SGCZ: variants seen among roughly 807,000 people sequenced by gnomAD.
The protein encoded by SGCZ is sarcoglycan zeta, also known as zeta-sarcoglycan.
Under a neutral mutation model 41.3 loss-of-function variants are expected in SGCZ, and 40 were observed. The observed-to-expected ratio is 0.97, with a 90% CI of 0.75 to 1.26. The LOEUF (loss-of-function observed/expected upper bound fraction) is 1.26. SGCZ is among the 50% of genes most tolerant of loss of function. SGCZ has a pLI of 0.00. For missense variants in SGCZ, 552 were observed against 369.8 expected, an observed-to-expected ratio of 1.49 and a Z score of -4.04; for synonymous variants, 206 against 137.5, an observed-to-expected ratio of 1.50 and a Z score of -3.49.
At chr8:15,039,873 C>T (rs562057276) in intron 1 of SGCZ, among the ~76,000 whole-genome samples, 1 of 152,084 alleles carries the variant, frequency 6.6e-6, no homozygotes, top group African/African-American at 2.4e-5. Flanking sequence ...ATGGTTAAAC[C>T]GCAGCTTTTC....
chr8:14,203,147 T>C (rs150190268), intron 4 of SGCZ, among the ~76,000 whole-genome samples: 1 of 152,194 alleles, frequency 6.6e-6, no homozygotes, highest in Non-Finnish European at 1.5e-5. Context: ...CTCTTTCTTT[T>C]GTAAATTGCC....
intron 1 of SGCZ, among the ~76,000 whole-genome samples, chr8:14,845,436 G>A (rs1257238645): frequency 2.0e-5 from 3 of 152,096 alleles, no homozygotes; most frequent in Non-Finnish European, 4.4e-5. Context: ...CACAATGCCT[G>A]AAAACTAATC....
At chr8:14,753,338 T>C (rs1490016292) in intron 1 of SGCZ, among the ~76,000 whole-genome samples, 2 of 152,214 alleles carry the variant, frequency 1.3e-5, no homozygotes, top group African/African-American at 4.8e-5. Context: ...TTAAATAACA[T>C]ATTTATCTAA....
chr8:14,673,532 G>A (rs767201760), intron 1 of SGCZ, among the ~76,000 whole-genome samples: 6 of 151,828 alleles, frequency 4.0e-5, no homozygotes, highest in Non-Finnish European at 7.4e-5. Flanking sequence ...CGCCATGATT[G>A]TAAGTTTCCT....
chr8:14,307,643 C>T (rs1221110989), intron 3 of SGCZ, among the ~76,000 whole-genome samples: 1 of 152,110 alleles, frequency 6.6e-6, no homozygotes, highest in Non-Finnish European at 1.5e-5. Context: ...TTTGAAAACA[C>T]AGAAATGTCC....
At chr8:14,851,205 T>C (rs540441717) in intron 1 of SGCZ, among the ~76,000 whole-genome samples, 2 of 151,270 alleles carry the variant, frequency 1.3e-5, no homozygotes, top group Admixed American at 1.3e-4. Flanking sequence ...CTGTCTTTAC[T>C]AAAAATACAA....
chr8:14,742,080 G>A lies in SGCZ; in HGVS notation c.40-187154C>T, dbSNP rs12114985. 1.0e-3 allele frequency among the ~76,000 whole-genome samples: 159 copies of A among 151,840 alleles called. 2 individuals are homozygous for A. The highest frequency in any genetic ancestry group is 3.6e-3 in the African/African-American group (149 of 41,440). On this transcript the variant is annotated intron_variant, in intron 1 of 7. Transcript: ENST00000382080. ...AACTGGAGTATAGTACTGATTTAGAGGGAAAAAAAACCTAGATTTCACCCT... is the reference window on the plus strand; with the variant it reads ...AACTGGAGTATAGTACTGATTTAGAAGGAAAAAAAACCTAGATTTCACCCT...
chr8:14,370,104 AG>A (rs1803859568), intron 2 of SGCZ, among the ~76,000 whole-genome samples: 1 of 151,950 alleles, frequency 6.6e-6, no homozygotes, highest in South Asian at 2.1e-4. Flanking sequence ...GGTAAGATGA[AG>A]GGGTAAGATG....
intron 1 of SGCZ, among the ~76,000 whole-genome samples, chr8:15,019,840 A>G (rs1803186346): frequency 6.7e-6 from 1 of 149,044 alleles, no homozygotes; most frequent in South Asian, 2.2e-4. Flanking sequence ...AAAACTAAGA[A>G]GAGTTCTGCT....
intron 1 of SGCZ, among the ~76,000 whole-genome samples, chr8:14,597,567 C>G (rs1585112162): frequency 6.6e-6 from 1 of 152,112 alleles, no homozygotes; most frequent in East Asian, 1.9e-4. Flanking sequence ...CTTCTGGGTT[C>G]AAGTGATACT....
intron 1 of SGCZ, among the ~76,000 whole-genome samples, chr8:15,231,191 G>A (rs17575979): frequency 0.023 from 3,471 of 152,222 alleles, 67 homozygotes; most frequent in Non-Finnish European, 0.037. Context: ...TTCCCTGATG[G>A]ACATTGCCAT....
At chr8:14,466,960 G>GT (rs532597363) in intron 2 of SGCZ, among the ~76,000 whole-genome samples, 37 of 151,590 alleles carry the variant, frequency 2.4e-4, no homozygotes, top group African/African-American at 7.0e-4. Context: ...TTCAAGAACA[G>GT]TTTTTTTTAT....
chr8:14,405,904 G>A (rs929402471), intron 2 of SGCZ, among the ~76,000 whole-genome samples: 5 of 152,080 alleles, frequency 3.3e-5, no homozygotes, highest in African/African-American at 1.2e-4. Context: ...AGCTGAGCAG[G>A]TATTTTTAAA....
intron 2 of SGCZ, among the ~76,000 whole-genome samples, chr8:14,405,817 A>G (rs1272756559): frequency 6.6e-6 from 1 of 152,188 alleles, no homozygotes. Context: ...TTATAAATAC[A>G]TTAGAACATT....
At chr8:14,659,398 G>T (rs981720740) in intron 1 of SGCZ, among the ~76,000 whole-genome samples, 3 of 152,026 alleles carry the variant, frequency 2.0e-5, no homozygotes, top group Non-Finnish European at 2.9e-5. Context: ...AAAATTAATT[G>T]ATAAAAATAT....
At chr8:14,522,194 T>A (rs1195800860) in intron 2 of SGCZ, among the ~76,000 whole-genome samples, 1 of 152,054 alleles carries the variant, frequency 6.6e-6, no homozygotes, top group Non-Finnish European at 1.5e-5. Context: ...TTTTGTGGTC[T>A]ATATTCTATA....
chr8:14,110,370 T>G (rs1473540196), intron 5 of SGCZ, among the ~76,000 whole-genome samples: 1 of 152,148 alleles, frequency 6.6e-6, no homozygotes, highest in East Asian at 1.9e-4. Context: ...ATATTTACTT[T>G]CAAATACATA....
At chr8:14,861,531 T>A (rs1418567824) in intron 1 of SGCZ, among the ~76,000 whole-genome samples, 1 of 152,150 alleles carries the variant, frequency 6.6e-6, no homozygotes, top group Admixed American at 6.6e-5. Context: ...TTGCATGACA[T>A]AAAGAACAGT....
At chr8:15,010,709 G>C (rs1315101762) in intron 1 of SGCZ, among the ~76,000 whole-genome samples, 2 of 152,118 alleles carry the variant, frequency 1.3e-5, no homozygotes, top group Admixed American at 6.5e-5. Context: ...GTGATATAGA[G>C]GCTTGGTATC....
Sources: allele counts gnomAD v4.1 joint callset (sites outside exome capture counted in the v4.1 genomes callset), GRCh38; gene constraint gnomAD v4.1.1; transcripts MANE v1.5; gene names NCBI Gene and HGNC (gene_info 2026-07-23, HGNC 2026-07-21).